The following UAP1L1 variants were observed in gnomAD, a reference collection of about 807,000 sequenced individuals.
UAP1L1 encodes the protein UDP-N-acetylhexosamine pyrophosphorylase-like protein 1.
Under a neutral mutation model 45.3 loss-of-function variants are expected in UAP1L1, and 45 were observed. That is an observed-to-expected ratio of 0.99 (90% CI 0.78 to 1.27). The LOEUF (loss-of-function observed/expected upper bound fraction) is 1.27. Ranked by LOEUF, UAP1L1 falls within the 50% of genes most tolerant of loss-of-function variation. UAP1L1 has a pLI of 0.00. For synonymous variants in UAP1L1, 323 were observed against 303.9 expected (o/e 1.06, Z -0.65); for missense variants, 667 against 694.0 (o/e 0.96, Z 0.44).
At chr9:137,078,809 C>T (rs1009311470) in intron 3 of UAP1L1, 132 bp downstream of exon 3, 1 of 1,317,658 alleles carries the variant, frequency 7.6e-7, no homozygotes, top group Non-Finnish European at 1.0e-6. Flanking sequence ...TTTTTCTGGG[C>T]CTTGATCGTC....
In UAP1L1 at chr9:137,077,742, C is replaced by T. The variant is rs1832714491; in HGVS notation, c.210C>T (p.Arg70=). ...GCCCGCCGCCCGACTTGGCCGCGCGCCTGCGGCCCCTGCCCCCAGAGCGCG... is the reference window on the plus strand; with the variant it reads ...GCCCGCCGCCCGACTTGGCCGCGCGTCTGCGGCCCCTGCCCCCAGAGCGCG... ...PHGPPPDLAA[R]LRPLPPERVG... is the part of the protein sequence containing the mutation. Residue 70 remains arginine, a synonymous_variant, in exon 1 of 9, where the codon CGC becomes CGT. Transcript: ENST00000409858. This position sits in a 1 kb window ranked among gnomAD's most constrained non-coding sequence, Gnocchi z 4.7. The T allele has an allele frequency of 3.3e-6, 4 of 1,203,860 alleles. No homozygotes were observed. In the African/African-American group the frequency reaches 4.7e-5, roughly 14 times the overall value. The allele number at this position is 1,203,860 out of a possible 1,614,324, so 74.6% of individuals were successfully genotyped here.
intron 7 of UAP1L1, among the ~76,000 whole-genome samples, chr9:137,081,519 A>G (rs934514658): frequency 6.0e-5 from 9 of 150,566 alleles, no homozygotes; most frequent in Admixed American, 4.6e-4. Context: ...CTATTTTTTT[A>G]TTTTTATTTT....
rs751558792 is a variant in UAP1L1 at position 137,078,602 on chromosome 9, C to G, written c.595C>G (p.Gln199Glu). ...CCCCGCCAACGTGGTCATGTTTGAG[C>G]AGCGCCTGCTGCCTGCTGTGACCTT... is the stretch of plus-strand genomic sequence containing the variant. ...LDPANVVMFE[Q>E]RLLPAVTFDG... The change falls in exon 3 of 9, where the codon CAG (glutamine) becomes GAG (glutamate). Residue 199 changes from glutamine (Q) to glutamate (E), a missense_variant. Transcript: ENST00000409858. 3 of 1,613,164 alleles carry G rather than the reference C, an allele frequency of 1.9e-6. No individual in the cohort carries two copies. The highest frequency in any genetic ancestry group is 2.5e-6 in the Non-Finnish European group (3 of 1,180,012).
intron 7 of UAP1L1, 92 bp from the exon 8 acceptor site, chr9:137,081,906 G>A (rs1002866639): frequency 7.3e-6 from 9 of 1,228,874 alleles, no homozygotes; most frequent in South Asian, 1.2e-5. Flanking sequence ...AGCCAGGTGT[G>A]TAGAGCTCAG....
In UAP1L1 at chr9:137,079,337, G is replaced by T; in HGVS notation, c.925G>T (p.Glu309Ter). The T allele has an allele frequency of 6.2e-7, 1 of 1,613,188 alleles. No homozygotes were observed. Among genetic ancestry groups the T allele is most frequent in the Non-Finnish European group, 8.5e-7 (1 of 1,179,886 alleles). ...DGVPQVVEYS[E>*]ISPETAQLRA... ...TGTCCCCCAGGTGGTGGAGTACAGC[G>T]AGATCAGTCCTGAGACCGCACAGCT... Residue 309 changes from glutamate (E) to a stop codon, truncating the protein, a stop_gained, in exon 5 of 9, where the codon GAG (glutamate) becomes TAG (stop). Transcript: ENST00000409858. LOFTEE classifies it high-confidence loss of function.
In UAP1L1 at chr9:137,078,340, C is replaced by T. The variant is rs1426193773; in HGVS notation, c.494+86C>T. 4 of 1,537,106 alleles carry T rather than the reference C, an allele frequency of 2.6e-6. No individual in the cohort carries two copies. The African/African-American group carries it at 4.1e-5, about 16-fold the overall frequency. ...CCGCTCCAGACGCGAGCCCCAACCC[C>T]GGCACAGACCGGGACATTGCCCAGA... On this transcript the variant is annotated intron_variant, in intron 2 of 8. Transcript: ENST00000409858.
chr9:137,078,652 G>T lies in UAP1L1; in HGVS notation c.645G>T (p.Arg215=). Reference sequence around the variant, plus strand: ...TTGATGGCAAGGTTATCCTGGAGCGGAAAGACAAAGTTGCCATGGCCCCAG... The same window carrying T: ...TTGATGGCAAGGTTATCCTGGAGCGTAAAGACAAAGTTGCCATGGCCCCAG... ...VTFDGKVILE[R]KDKVAMAPDG... Residue 215 remains arginine, a synonymous_variant, in exon 3 of 9, where the codon CGG becomes CGT. Coordinates refer to ENST00000409858, the MANE Select transcript of UAP1L1 (RefSeq NM_207309.3). 6.2e-7 allele frequency: 1 copy of T among 1,612,630 alleles called. No homozygotes were observed. The highest frequency in any genetic ancestry group is 8.5e-7 in the Non-Finnish European group (1 of 1,179,724).
At position 137,083,079 on chromosome 9, in the gene UAP1L1, C is replaced by G; in HGVS notation, c.*350C>G. The G allele has an allele frequency of 3.6e-6, 1 of 280,630 alleles. No individual in the cohort carries two copies. The highest frequency in any genetic ancestry group is 7.2e-6 in the Non-Finnish European group (1 of 139,822). 17.4% of individuals were successfully genotyped at this position (280,630 alleles called of 1,614,324 possible). On this transcript the variant is annotated 3_prime_UTR_variant, in exon 9 of 9. Coordinates refer to ENST00000409858, the MANE Select transcript of UAP1L1 (RefSeq NM_207309.3). ...CTGAGAGGAGGCTTCGGGTTGGGGC[C>G]CAAGGGAGGTGTGGTGTCATCTGGG...
rs765466215 is a variant in UAP1L1, at chr9:137,080,128, G to C, written c.1164G>C (p.Val388=). The part of the protein sequence containing the change: ...GIKMEKFVFD[V]FRFAKNFAAL... ...AGATGGAGAAGTTTGTGTTTGATGT[G>C]TTCCGGTTTGCTAAGTTAGTAGTAG... The change falls in exon 6 of 9, where the codon GTG becomes GTC. Residue 388 remains valine, a synonymous_variant. Transcript: ENST00000409858. The C allele has an allele frequency of 6.2e-7, 1 of 1,614,146 alleles. No homozygotes were observed. The highest frequency in any genetic ancestry group is 1.7e-5 in the Admixed American group (1 of 60,018).
rs1490451391 is a variant in UAP1L1, at chr9:137,082,455, G to T, written c.1432-182G>T. On this transcript the variant is annotated intron_variant, in intron 8 of 8. Coordinates refer to ENST00000409858, the MANE Select transcript of UAP1L1 (RefSeq NM_207309.3). The surrounding 1 kb of genome is among the most constrained non-coding windows in gnomAD (Gnocchi z 5.7). ...CCTGCTGGCCTAGGGTCTTGAGTGTGGTCTTGGGTGGCCTTGCAGTGTGTG... is the reference window on the plus strand; with the variant it reads ...CCTGCTGGCCTAGGGTCTTGAGTGTTGTCTTGGGTGGCCTTGCAGTGTGTG... The T allele has an allele frequency of 1.3e-5, 8 of 607,058 alleles. No individual in the cohort carries two copies. The highest frequency in any genetic ancestry group is 2.4e-5 in the Non-Finnish European group (8 of 339,908). 37.6% of individuals were successfully genotyped at this position (607,058 alleles called of 1,614,324 possible). A position where few individuals can be genotyped will look rare whatever the true frequency, so the allele number is the denominator to read the frequency against.
chr9:137,077,780 G>T lies in UAP1L1; in HGVS notation c.248G>T (p.Ser83Ile). Residue 83 changes from serine (S) to isoleucine (I), a missense_variant, in exon 1 of 9, where the codon AGC becomes ATC. Transcript: ENST00000409858. The surrounding 1 kb of genome is among the most constrained non-coding windows in gnomAD (Gnocchi z 4.7). The part of the protein sequence containing the change: ...PLPPERVGRA[S>I]RSDPETRRRW... ...CCCCCAGAGCGCGTGGGCAGGGCCAGCCGCAGCGACCCCGAGACACGGCGG... is the reference window on the plus strand; with the variant it reads ...CCCCCAGAGCGCGTGGGCAGGGCCATCCGCAGCGACCCCGAGACACGGCGG... 1 of 1,372,500 alleles carries T rather than the reference G, an allele frequency of 7.3e-7. No individual in the cohort carries two copies. The highest frequency in any genetic ancestry group is 9.4e-7 in the Non-Finnish European group (1 of 1,067,270). The allele number at this position is 1,372,500 out of a possible 1,614,324, so 85.0% of individuals were successfully genotyped here.
In UAP1L1 at chr9:137,082,080, C is replaced by T; in HGVS notation, c.1431+16C>T. 6.2e-7 allele frequency: 1 copy of T among 1,613,486 alleles called. No individual in the cohort carries two copies. The highest frequency in any genetic ancestry group is 8.5e-7 in the Non-Finnish European group (1 of 1,179,560). On this transcript the variant is annotated intron_variant, in intron 8 of 8. Coordinates refer to ENST00000409858, the MANE Select transcript of UAP1L1 (RefSeq NM_207309.3). The surrounding 1 kb of genome is among the most constrained non-coding windows in gnomAD (Gnocchi z 5.7). ...CTCTGGAGAGGTGAGAGCTGCCCAT[C>T]CCTATCTGGGGCTTTTCTGGTGTCA...
chr9:137,082,203 A>C lies in UAP1L1; in HGVS notation c.1431+139A>C. On this transcript the variant is annotated intron_variant, in intron 8 of 8. Transcript: ENST00000409858. The surrounding 1 kb of genome is among the most constrained non-coding windows in gnomAD (Gnocchi z 5.7). ...GGGGTCGGTGGTTTAAATTTGCAGA[A>C]GACTTTCCAAGATATGGGTTGGGGT... 1.2e-6 allele frequency: 1 copy of C among 833,354 alleles called. No homozygotes were observed. The highest frequency in any genetic ancestry group is 1.5e-5 in the South Asian group (1 of 66,920). 51.6% of individuals were successfully genotyped at this position (833,354 alleles called of 1,614,324 possible).
rs1040301170 is a variant in UAP1L1 at position 137,080,317 on chromosome 9, G to A, written c.1178+175G>A. 3 of 780,984 alleles carry A rather than the reference G, an allele frequency of 3.8e-6. No individual in the cohort carries two copies. The African/African-American group carries it at 5.2e-5, about 14-fold the overall frequency. 48.4% of individuals were successfully genotyped at this position (780,984 alleles called of 1,614,324 possible). On this transcript the variant is annotated intron_variant, in intron 6 of 8. Transcript: ENST00000409858. Reference sequence around the variant, plus strand: ...GCCCTGAGGGTAAGCAGCCCCTGAGGTGGGGGCATAGGGAGTCCTTGGGGC... The same window carrying A: ...GCCCTGAGGGTAAGCAGCCCCTGAGATGGGGGCATAGGGAGTCCTTGGGGC...
At chr9:137,080,434 C>A (rs1318823114) in intron 6 of UAP1L1, 2 of 588,446 alleles carry the variant, frequency 3.4e-6, no homozygotes, top group Non-Finnish European at 5.9e-6. Context: ...GTTGCCAGGG[C>A]GGCTCGCAGG....
rs1365245399 is a variant in UAP1L1 at position 137,084,409 on chromosome 9, C to T, written c.*1680C>T. On this transcript the variant is annotated 3_prime_UTR_variant, in exon 9 of 9. Transcript: ENST00000409858. Reference sequence around the variant, plus strand: ...CAGGATGGTCTCGATCTCCTGACCTCGTGATCCACCCACCTCGGCCTCCCA... The same window carrying T: ...CAGGATGGTCTCGATCTCCTGACCTTGTGATCCACCCACCTCGGCCTCCCA... The T allele has an allele frequency of 1.3e-5, 2 of 152,220 alleles. No homozygotes were observed. Among genetic ancestry groups the T allele is most frequent in the Non-Finnish European group, 2.9e-5 (2 of 68,090 alleles). 9.4% of individuals were successfully genotyped at this position (152,220 alleles called of 1,614,324 possible). A position where few individuals can be genotyped will look rare whatever the true frequency, so the allele number is the denominator to read the frequency against.
At position 137,079,300 on chromosome 9, in the gene UAP1L1, C is replaced by T; in HGVS notation, c.888C>T (p.Cys296=). The T allele has an allele frequency of 1.9e-6, 3 of 1,612,766 alleles. 1 individual carries two copies. Among genetic ancestry groups the T allele is most frequent in the South Asian group, 2.2e-5 (2 of 91,048 alleles). ...AYPEEPVGVV[C]QVDGVPQVVE... ...CCGAGGAGCCCGTGGGCGTGGTGTG[C>T]CAGGTGGACGGTGTCCCCCAGGTGG... The change falls in exon 5 of 9, where the codon TGC becomes TGT. Residue 296 remains cysteine, a synonymous_variant. Coordinates refer to ENST00000409858, the MANE Select transcript of UAP1L1 (RefSeq NM_207309.3).
rs1832825542 is a variant in UAP1L1, at chr9:137,083,561, C to T, written c.*832C>T. 6.6e-6 allele frequency: 1 copy of T among 152,308 alleles called. No individual in the cohort carries two copies. 9.4% of individuals were successfully genotyped at this position (152,308 alleles called of 1,614,324 possible). A position where few individuals can be genotyped will look rare whatever the true frequency, so the allele number is the denominator to read the frequency against. On this transcript the variant is annotated 3_prime_UTR_variant, in exon 9 of 9. Transcript: ENST00000409858. ...CCTCTGTGATGGTTGCTGACTAATC[C>T]GGGATTTCATGAGTCAGAGGCACCA... is the stretch of plus-strand genomic sequence containing the variant.
rs555717270 is a variant in UAP1L1 at position 137,084,127 on chromosome 9, C to T, written c.*1398C>T. ...CCTTAGGGCCCTTCTCATAGCTGTTCCTCATGGCCATGACTGGAACAGGGA... is the reference window on the plus strand; with the variant it reads ...CCTTAGGGCCCTTCTCATAGCTGTTTCTCATGGCCATGACTGGAACAGGGA... On this transcript the variant is annotated 3_prime_UTR_variant, in exon 9 of 9. Coordinates refer to ENST00000409858, the MANE Select transcript of UAP1L1 (RefSeq NM_207309.3). 8 of 152,408 alleles carry T rather than the reference C, an allele frequency of 5.2e-5. No homozygotes were observed. The highest frequency in any genetic ancestry group is 1.7e-4 in the African/African-American group (7 of 41,570). The allele number at this position is 152,408 out of a possible 1,614,324, so 9.4% of individuals were successfully genotyped here.
Sources: allele counts gnomAD v4.1 joint callset (sites outside exome capture counted in the v4.1 genomes callset), GRCh38; gene constraint gnomAD v4.1.1; non-coding constraint Gnocchi (gnomAD v3.1); transcripts MANE v1.5; gene names NCBI Gene and HGNC (gene_info 2026-07-23, HGNC 2026-07-21).